The following AGMO variants were observed in gnomAD, a reference collection of about 807,000 sequenced individuals.
AGMO encodes the protein alkylglycerol monooxygenase.
AGMO carries 75 observed loss-of-function variants against 60.2 expected under a neutral mutation model. The ratio of observed to expected loss-of-function variants is 1.25; its 90% CI spans 1.03 to 1.51. The LOEUF (loss-of-function observed/expected upper bound fraction) is 1.51. Among genes scored for constraint, AGMO ranks in the 40% most tolerant of loss-of-function variants. AGMO has a pLI of 0.00. For synonymous variants in AGMO, 261 were observed against 177.1 expected, an observed-to-expected ratio of 1.47 and a Z score of -3.76; for missense variants, 763 against 525.5, an observed-to-expected ratio of 1.45 and a Z score of -4.42.
chr7:15,416,985 AT>A (rs1283394917), intron 5 of AGMO, among the ~76,000 whole-genome samples: 1 of 152,174 alleles, frequency 6.6e-6, no homozygotes, highest in African/African-American at 2.4e-5. Context: ...TCCATCCTGA[AT>A]TATTCTACTA....
chr7:15,321,108 C>G (rs941339390), intron 12 of AGMO, among the ~76,000 whole-genome samples: 7 of 151,990 alleles, frequency 4.6e-5, no homozygotes, highest in Non-Finnish European at 1.0e-4. Flanking sequence ...CTCCAAAATC[C>G]CACTATTTTT....
chr7:15,355,938 A>C (rs1242131323), intron 12 of AGMO, among the ~76,000 whole-genome samples: 1 of 151,270 alleles, frequency 6.6e-6, no homozygotes, highest in Non-Finnish European at 1.5e-5. Context: ...GGTACAAAAA[A>C]ATCACAGAAA....
chr7:15,380,358 C>T (rs374249117), intron 10 of AGMO, among the ~76,000 whole-genome samples: 185 of 152,232 alleles, frequency 1.2e-3, no homozygotes, highest in African/African-American at 4.2e-3. Flanking sequence ...CATTTCTATA[C>T]ACCAATGACA....
chr7:15,461,117 A>C (rs1047432740), intron 3 of AGMO, among the ~76,000 whole-genome samples: 2 of 152,122 alleles, frequency 1.3e-5, no homozygotes, highest in Non-Finnish European at 2.9e-5. Flanking sequence ...ATAAGGAGAT[A>C]TCTCCAGCTG....
At chr7:15,472,720 T>G (rs1782481368) in intron 3 of AGMO, among the ~76,000 whole-genome samples, 1 of 152,010 alleles carries the variant, frequency 6.6e-6, no homozygotes, top group Non-Finnish European at 1.5e-5. Context: ...AGGAACATTG[T>G]TGTGGTAATA....
At chr7:15,210,775 T>A (rs1303108964) in intron 12 of AGMO, among the ~76,000 whole-genome samples, 2 of 152,112 alleles carry the variant, frequency 1.3e-5, no homozygotes, top group African/African-American at 4.8e-5. Flanking sequence ...GTTTCTGTGA[T>A]AATTTTCTTT....
intron 12 of AGMO, among the ~76,000 whole-genome samples, chr7:15,211,206 T>C (rs1781578588): frequency 6.6e-6 from 1 of 152,048 alleles, no homozygotes. Context: ...CAGGATTTTA[T>C]TGAGTATTGA....
chr7:15,527,390 G>A (rs1224485613), intron 3 of AGMO, among the ~76,000 whole-genome samples: 2 of 152,226 alleles, frequency 1.3e-5, no homozygotes, highest in African/African-American at 4.8e-5. Flanking sequence ...ATTTCCTTTG[G>A]GCCAAAGCCT....
Position 15,498,216 on chromosome 7 carries a change from C to G in AGMO, c.409+46556G>C, listed in dbSNP as rs559107012. 2.1e-3 allele frequency among the ~76,000 whole-genome samples: 323 copies of G among 152,142 alleles called. 1 individual carries two copies. The highest frequency in any genetic ancestry group is 7.5e-3 in the African/African-American group (312 of 41,568). ...TTTTCAAAAGAAATTATTACAATTA[C>G]TTGGCACACAAATAACTTGTTACAA... On this transcript the variant is annotated intron_variant, in intron 3 of 12. Coordinates refer to ENST00000342526, the MANE Select transcript of AGMO (RefSeq NM_001004320.2).
intron 12 of AGMO, among the ~76,000 whole-genome samples, chr7:15,263,268 C>T (rs886439204): frequency 2.0e-5 from 3 of 151,710 alleles, no homozygotes; most frequent in African/African-American, 7.3e-5. Context: ...AGGCTAAGGA[C>T]ATGAATAGAC....
chr7:15,229,474 A>G (rs1333781870), intron 12 of AGMO, among the ~76,000 whole-genome samples: 1 of 149,396 alleles, frequency 6.7e-6, no homozygotes, highest in Admixed American at 6.7e-5. Context: ...TCAACTAGAA[A>G]CTTCTCCCCA....
At chr7:15,301,378 G>A (rs1479317611) in intron 12 of AGMO, among the ~76,000 whole-genome samples, 1 of 152,048 alleles carries the variant, frequency 6.6e-6, no homozygotes, top group African/African-American at 2.4e-5. Context: ...AGCAGAGGTT[G>A]CAGTGAGCCA....
At chr7:15,509,117 T>C (rs956115490) in intron 3 of AGMO, among the ~76,000 whole-genome samples, 1 of 152,132 alleles carries the variant, frequency 6.6e-6, no homozygotes, top group South Asian at 2.1e-4. Flanking sequence ...AATTTTTAGA[T>C]TTAAAAAGGG....
intron 12 of AGMO, among the ~76,000 whole-genome samples, chr7:15,347,555 C>G (rs886730957): frequency 6.6e-6 from 1 of 151,856 alleles, no homozygotes; most frequent in Non-Finnish European, 1.5e-5. Context: ...TAATTAAAAC[C>G]TCGCCTAGAA....
the AGMO span, among the ~76,000 whole-genome samples, chr7:15,123,907 G>A: frequency 6.6e-6 from 1 of 152,032 alleles, no homozygotes; most frequent in African/African-American, 2.4e-5. Flanking sequence ...GCTTTGCTGG[G>A]ACAGGTTTCT....
intron 5 of AGMO, among the ~76,000 whole-genome samples, chr7:15,415,122 A>C (rs998822565): frequency 2.0e-5 from 3 of 152,050 alleles, no homozygotes; most frequent in Non-Finnish European, 2.9e-5. Flanking sequence ...GAACTTCAAA[A>C]TTTAATATTT....
intron 4 of AGMO, 72 bp downstream of exon 4, chr7:15,430,933 T>TTTTTTTGG (rs1781218609): frequency 2.5e-6 from 2 of 788,670 alleles, no homozygotes. Context: ...TTTTTTTTTT[T>TTTTTTTGG]GAGGAAATAG....
chr7:15,288,419 G>T (rs550247963), intron 12 of AGMO, among the ~76,000 whole-genome samples: 11 of 151,994 alleles, frequency 7.2e-5, no homozygotes, highest in Non-Finnish European at 1.6e-4. Context: ...CTTATCACGA[G>T]GCATTTCTTC....
chr7:15,121,919 A>G, the AGMO span, among the ~76,000 whole-genome samples: 2 of 152,180 alleles, frequency 1.3e-5, no homozygotes, highest in African/African-American at 2.4e-5. Context: ...GATGGGTTAA[A>G]GGCTTAAATG....
Sources: gnomAD v4.1 joint callset for allele counts (sites outside exome capture counted in the v4.1 genomes callset) on GRCh38, gnomAD v4.1.1 for gene constraint, MANE v1.5 for transcripts, NCBI Gene and HGNC (gene_info 2026-07-23, HGNC 2026-07-21) for gene names.